ASS1: variants seen among roughly 807,000 people sequenced by gnomAD.
ASS1 encodes argininosuccinate synthase.
In ASS1, 58 loss-of-function variants were observed where a neutral mutation model predicts 60.5. That is an observed-to-expected ratio of 0.96 (90% CI 0.78 to 1.19). ASS1 has a LOEUF of 1.19. ASS1 is among the 50% of genes most tolerant of loss of function. The pLI is 0.00. For synonymous variants in ASS1, 200 were observed against 206.9 expected (o/e 0.97, Z 0.29); for missense variants, 454 against 547.3 (o/e 0.83, Z 1.70).
Position 130,477,039 on chromosome 9 carries a change from C to A in ASS1, c.688+78C>A. On this transcript the variant is annotated intron_variant, in intron 9 of 14. Coordinates refer to ENST00000352480, the MANE Select transcript of ASS1 (RefSeq NM_054012.4). The surrounding 1 kb of genome is among the most constrained non-coding windows in gnomAD (Gnocchi z 4.2). ...TCCTTTCCCCTCCCTGCCTGGGAAC[C>A]TAGGCCCTCTTTACCCCCGCCCTGC... 6.8e-7 allele frequency: 1 copy of A among 1,464,350 alleles called. No homozygotes were observed. Among genetic ancestry groups the A allele is most frequent in the Non-Finnish European group, 9.5e-7 (1 of 1,047,194 alleles). 90.7% of individuals were successfully genotyped at this position (1,464,350 alleles called of 1,614,324 possible).
chr9:130,487,628 C>T (rs1165559210), intron 11 of ASS1, among the ~76,000 whole-genome samples: 2 of 152,156 alleles, frequency 1.3e-5, no homozygotes, highest in African/African-American at 4.8e-5. Context: ...CCATTTCTGG[C>T]TGTATGATTT....
At chr9:130,464,578 C>T (rs1198713550) in intron 5 of ASS1, among the ~76,000 whole-genome samples, 1 of 152,128 alleles carries the variant, frequency 6.6e-6, no homozygotes. Context: ...GCCCTCCGAG[C>T]CCCAGTCAGA....
Position 130,478,542 on chromosome 9 carries a change from C to G in ASS1, c.689-1174C>G, listed in dbSNP as rs1846079170. On this transcript the variant is annotated intron_variant, in intron 9 of 14. Coordinates refer to ENST00000352480, the MANE Select transcript of ASS1 (RefSeq NM_054012.4). The surrounding 1 kb of genome is among the most constrained non-coding windows in gnomAD (Gnocchi z 4.7). ...CGGAGGAACCCTCCCCTGGCTAGTG[C>G]CCATTCACTCTCTAGTTAATTTATT... Among the ~76,000 whole-genome samples the G allele has an allele frequency of 6.6e-6, 1 of 152,228 alleles. No individual in the cohort carries two copies. The highest frequency in any genetic ancestry group is 1.5e-5 in the Non-Finnish European group (1 of 68,036).
At chr9:130,451,931 C>T (rs944368160) in intron 1 of ASS1, 2 of 577,444 alleles carry the variant, frequency 3.5e-6, no homozygotes, top group African/African-American at 3.7e-5. Flanking sequence ...GCCGCCTTCC[C>T]TCGATGCTGG....
rs542409789 is a variant in ASS1, at chr9:130,460,527, C to T, written c.363+1938C>T. ...GAACTGCGGGAGCAGCAGGCAGGGG[C>T]TGAGGATGAGTCTAGAGGAGTGAAT... On this transcript the variant is annotated intron_variant, in intron 4 of 14. Transcript: ENST00000352480. 1.8e-4 allele frequency among the ~76,000 whole-genome samples: 27 copies of T among 152,170 alleles called. No homozygotes were observed. In the South Asian group the frequency reaches 5.4e-3, roughly 30 times the overall value.
At position 130,471,520 on chromosome 9, in the gene ASS1, TC is replaced by T. The variant is rs758648129; in HGVS notation, c.597+10del. ...GGAATCCTGGAGAACCCCAAGGTAA[TC>T]CCCCAAACCCCATCTCCTCCCAGCT... is the stretch of plus-strand genomic sequence containing the variant. On this transcript the variant is annotated splice_donor_region_variant and intron_variant, in intron 8 of 14. Coordinates refer to ENST00000352480, the MANE Select transcript of ASS1 (RefSeq NM_054012.4). 14 of 1,613,712 alleles carry T rather than the reference TC, an allele frequency of 8.7e-6. No homozygotes were observed. The highest frequency in any genetic ancestry group is 1.1e-5 in the Non-Finnish European group (13 of 1,179,822).
rs949330951 is a variant in ASS1, at chr9:130,465,027, A to G, written c.420+860A>G. Reference sequence around the variant, plus strand: ...TATAATATGTATTACATATAAATACATATGTTTTATATATATATATATATA... The same window carrying G: ...TATAATATGTATTACATATAAATACGTATGTTTTATATATATATATATATA... On this transcript the variant is annotated intron_variant, in intron 5 of 14. Coordinates refer to ENST00000352480, the MANE Select transcript of ASS1 (RefSeq NM_054012.4). 5.5e-5 allele frequency among the ~76,000 whole-genome samples: 8 copies of G among 144,186 alleles called. No individual in the cohort carries two copies. In the East Asian group the frequency reaches 7.9e-4, roughly 14 times the overall value. 94.6% of individuals were successfully genotyped at this position (144,186 alleles called of 152,430 possible). A position where few individuals can be genotyped will look rare whatever the true frequency, so the allele number is the denominator to read the frequency against.
intron 3 of ASS1, among the ~76,000 whole-genome samples, chr9:130,456,460 C>T (rs1169144585): frequency 6.6e-6 from 1 of 152,034 alleles, no homozygotes; most frequent in African/African-American, 2.4e-5. Context: ...CAGCAAAACT[C>T]TGTAAAAAAA....
rs1403177714 is a variant in ASS1, at chr9:130,491,433, TTATC to T, written c.970+1972_970+1975del. ...TCTGAGCTGGGCACCTGATGGGGTA[TTATC>T]TAATATTAGCTGCGCAGAGGTGAGG... On this transcript the variant is annotated intron_variant, in intron 12 of 14. Transcript: ENST00000352480. This position sits in a 1 kb window ranked among gnomAD's most constrained non-coding sequence, Gnocchi z 5.3. Among the ~76,000 whole-genome samples the T allele has an allele frequency of 2.6e-5, 4 of 152,204 alleles. No homozygotes were observed. The South Asian group carries it at 8.3e-4, about 32-fold the overall frequency.
intron 8 of ASS1, among the ~76,000 whole-genome samples, chr9:130,475,002 C>T (rs1845979792): frequency 6.6e-6 from 1 of 152,192 alleles, no homozygotes; most frequent in East Asian, 1.9e-4. Flanking sequence ...TGAGTCACAT[C>T]GTACCTTGGA....
At chr9:130,485,229 G>A (rs768854373) in intron 11 of ASS1, among the ~76,000 whole-genome samples, 3 of 152,186 alleles carry the variant, frequency 2.0e-5, no homozygotes, top group East Asian at 1.9e-4. Flanking sequence ...GAATGTTCTC[G>A]AGACAAGACT....
intron 11 of ASS1, among the ~76,000 whole-genome samples, chr9:130,482,903 A>G (rs1846206290): frequency 6.6e-6 from 1 of 152,218 alleles, no homozygotes; most frequent in Non-Finnish European, 1.5e-5. Context: ...ACAGGGAAGA[A>G]AATCGGGATT....
chr9:130,489,793 T>C lies in ASS1; in HGVS notation c.970+329T>C, dbSNP rs1846404813. On this transcript the variant is annotated intron_variant, in intron 12 of 14. Coordinates refer to ENST00000352480, the MANE Select transcript of ASS1 (RefSeq NM_054012.4). The surrounding 1 kb of genome is among the most constrained non-coding windows in gnomAD (Gnocchi z 4.1). The stretch of plus-strand genomic sequence containing the variant: ...AGGCACTGGGCACTGTGCGGCGACA[T>C]GCATCACCCCGCATGGTCCTCACAA... Among the ~76,000 whole-genome samples the C allele has an allele frequency of 6.6e-6, 1 of 152,210 alleles. No individual in the cohort carries two copies. The highest frequency in any genetic ancestry group is 1.5e-5 in the Non-Finnish European group (1 of 68,036).
chr9:130,460,880 A>G (rs1038086160), intron 4 of ASS1, among the ~76,000 whole-genome samples: 2 of 152,152 alleles, frequency 1.3e-5, no homozygotes, highest in Non-Finnish European at 2.9e-5. Context: ...ATGGGATGGT[A>G]GGAAACCAGG....
At chr9:130,452,806 T>C (rs893073212) in intron 2 of ASS1, among the ~76,000 whole-genome samples, 4 of 152,206 alleles carry the variant, frequency 2.6e-5, no homozygotes, top group African/African-American at 9.7e-5. Context: ...TGATGGGTTA[T>C]GTGTGAAGCC....
In ASS1 at chr9:130,466,761, C is replaced by T. The variant is rs576636333; in HGVS notation, c.457C>T (p.Arg153Trp). 27 of 1,614,164 alleles carry T rather than the reference C, an allele frequency of 1.7e-5. No homozygotes were observed. In the East Asian group the frequency reaches 1.8e-4, roughly 11 times the overall value. Residue 153 changes from arginine to tryptophan, a missense_variant, in exon 6 of 15, where the codon CGG becomes TGG. Physicochemically the swap from Arg to Trp is moderately radical, Grantham distance 101. Coordinates refer to ENST00000352480, the MANE Select transcript of ASS1 (RefSeq NM_054012.4). Reference protein sequence around the residue: ...APWRMPEFYNRFKGRNDLMEY... With the variant: ...APWRMPEFYNWFKGRNDLMEY... ...CTGGAGGATGCCTGAATTCTACAAC[C>T]GGTTCAAGGGCCGCAATGACCTGAT...
chr9:130,466,611 A>T (rs1845748989), intron 5 of ASS1, 114 bp from the exon 6 acceptor site: 1 of 948,334 alleles, frequency 1.1e-6, no homozygotes, highest in African/African-American at 1.6e-5. Flanking sequence ...CTCTCTGGGG[A>T]CATGCTGGAG....
Position 130,479,703 on chromosome 9 carries a change from C to T in ASS1, c.689-13C>T, listed in dbSNP as rs906838238. 3 of 1,611,234 alleles carry T rather than the reference C, an allele frequency of 1.9e-6. No homozygotes were observed. In the African/African-American group the frequency reaches 4.0e-5, roughly 22 times the overall value. On this transcript the variant is annotated splice_polypyrimidine_tract_variant and intron_variant, in intron 9 of 14. Transcript: ENST00000352480. ...CGGGCCCAGAGGCCCACTGCCCTCT[C>T]TTCCCACCCTAGGGGTCCCTGTGAA...
intron 1 of ASS1, among the ~76,000 whole-genome samples, chr9:130,448,415 T>TGCGC (rs745523284): frequency 1.3e-4 from 17 of 135,542 alleles, no homozygotes; most frequent in South Asian, 2.3e-4. Flanking sequence ...CACAGGTGTG[T>TGCGC]GCGCGCGCAC....
Sources: allele counts gnomAD v4.1 joint callset (sites outside exome capture counted in the v4.1 genomes callset), GRCh38; gene constraint gnomAD v4.1.1; non-coding constraint Gnocchi (gnomAD v3.1); transcripts MANE v1.5; gene names NCBI Gene and HGNC (gene_info 2026-07-23, HGNC 2026-07-21).